ABCC1: variants seen among roughly 807,000 people sequenced by gnomAD.
ABCC1 encodes ATP binding cassette subfamily C member 1 (ABCC1 blood group), also known as multidrug resistance-associated protein 1.
Under a neutral mutation model 172.9 loss-of-function variants are expected in ABCC1, and 83 were observed. That is an observed-to-expected ratio of 0.48 (90% CI 0.40 to 0.58). ABCC1 has a LOEUF of 0.58. ABCC1 is among the 20% of genes least tolerant of loss of function. ABCC1 has a pLI of 0.00. For synonymous variants in ABCC1, 937 were observed against 825.2 expected (o/e 1.14, Z -2.32); for missense variants, 1,817 against 2,002.7 (o/e 0.91, Z 1.77).
chr16:15,993,930 G>GC (rs1052665827), intron 1 of ABCC1, among the ~76,000 whole-genome samples: 3 of 152,090 alleles, frequency 2.0e-5, no homozygotes, highest in Non-Finnish European at 4.4e-5. Context: ...CATGTACCTT[G>GC]CAAACACCTT....
chr16:16,068,410 GCT>G, intron 13 of ABCC1, 108 bp downstream of exon 13: 1 of 1,287,210 alleles, frequency 7.8e-7, no homozygotes, highest in Non-Finnish European at 1.1e-6. Flanking sequence ...TCCCGGTCGG[GCT>G]CCATGAGGCC....
chr16:16,086,669 A>G (rs1045293286), intron 17 of ABCC1, among the ~76,000 whole-genome samples, 155 bp from the exon 18 acceptor site: 1 of 151,908 alleles, frequency 6.6e-6, no homozygotes, highest in African/African-American at 2.4e-5. Context: ...GGGTCTCCCT[A>G]TATTGCTCAG....
chr16:15,994,825 G>A (rs1382525996), intron 1 of ABCC1, among the ~76,000 whole-genome samples: 7 of 150,932 alleles, frequency 4.6e-5, no homozygotes, highest in Admixed American at 3.3e-4. Flanking sequence ...GTGCAGTGGT[G>A]TGATTTTGAC....
At chr16:16,094,185 G>T (rs2051370338) in intron 19 of ABCC1, 3 of 264,790 alleles carry the variant, frequency 1.1e-5, no homozygotes, top group South Asian at 9.3e-5. Context: ...GGGTTAATCC[G>T]ACCGACCCTG....
intron 17 of ABCC1, among the ~76,000 whole-genome samples, chr16:16,084,011 C>T (rs1411444003): frequency 6.6e-6 from 1 of 152,198 alleles, no homozygotes; most frequent in Non-Finnish European, 1.5e-5. Flanking sequence ...TTCATATGTT[C>T]ACAGTCCCTG....
chr16:16,100,806 C>A (rs777402729), intron 19 of ABCC1, among the ~76,000 whole-genome samples: 2 of 152,106 alleles, frequency 1.3e-5, no homozygotes. Flanking sequence ...GTCTGCTGTT[C>A]CTGTTTTGCA....
intron 20 of ABCC1, among the ~76,000 whole-genome samples, chr16:16,104,865 G>C (rs569614296): frequency 1.5e-3 from 234 of 152,298 alleles, no homozygotes; most frequent in African/African-American, 5.5e-3. Context: ...GCAGCTGCTG[G>C]CCCAGGTGCT....
chr16:15,975,350 T>C (rs1229551865), intron 1 of ABCC1, among the ~76,000 whole-genome samples: 1 of 152,102 alleles, frequency 6.6e-6, no homozygotes, highest in Non-Finnish European at 1.5e-5. Context: ...CTCCTGGTTT[T>C]TTGCTGTTGT....
At chr16:16,018,582 A>G (rs73517912) in intron 5 of ABCC1, among the ~76,000 whole-genome samples, 1,770 of 152,164 alleles carry the variant, frequency 0.012, 42 homozygotes, top group African/African-American at 0.04. Context: ...GTCCCAGTGT[A>G]TGTTCTGAGG....
rs558959862 is a variant in ABCC1, at chr16:16,123,266, C to G, written c.3590+1092C>G. On this transcript the variant is annotated intron_variant, in intron 24 of 30. Coordinates refer to ENST00000399410, the MANE Select transcript of ABCC1 (RefSeq NM_004996.4). ...GAGAAAAGATCAACACCCCATCTTC[C>G]TAGAATGCTTTATATTTTAGAACAT... 7.2e-4 allele frequency among the ~76,000 whole-genome samples: 110 copies of G among 152,266 alleles called. 1 individual carries two copies. The South Asian group carries it at 0.021, about 29-fold the overall frequency.
chr16:16,091,606 A>C (rs2152023648), intron 19 of ABCC1, among the ~76,000 whole-genome samples: 1 of 152,260 alleles, frequency 6.6e-6, no homozygotes, highest in African/African-American at 2.4e-5. Flanking sequence ...CAGAGGGAAC[A>C]GCCAGTACAA....
intron 26 of ABCC1, among the ~76,000 whole-genome samples, chr16:16,129,238 T>C (rs2045574798): frequency 6.6e-6 from 1 of 152,208 alleles, no homozygotes; most frequent in Non-Finnish European, 1.5e-5. Flanking sequence ...CCTTTGCATC[T>C]GTGTATAGTA....
intron 9 of ABCC1, among the ~76,000 whole-genome samples, chr16:16,046,849 C>T (rs1477740512): frequency 6.7e-6 from 1 of 150,130 alleles, no homozygotes; most frequent in Non-Finnish European, 1.5e-5. Flanking sequence ...ACTTGATGAA[C>T]TAGAGGAGTG....
At chr16:16,103,908 C>T (rs2051913502) in intron 20 of ABCC1, among the ~76,000 whole-genome samples, 5 of 152,106 alleles carry the variant, frequency 3.3e-5, no homozygotes, top group African/African-American at 7.2e-5. Context: ...AAAGGTGGCA[C>T]GTCTGGGGTT....
At chr16:15,955,480 G>A (rs1314114951) in intron 1 of ABCC1, among the ~76,000 whole-genome samples, 1 of 152,160 alleles carries the variant, frequency 6.6e-6, no homozygotes, top group Admixed American at 6.5e-5. Flanking sequence ...GAGGGTACAA[G>A]CCAAAGGGCT....
intron 4 of ABCC1, among the ~76,000 whole-genome samples, chr16:16,015,829 G>GT (rs1002164507): frequency 1.4e-4 from 21 of 152,324 alleles, no homozygotes; most frequent in African/African-American, 4.8e-4. Context: ...CCCAGACACT[G>GT]CCAGATGTTT....
chr16:16,133,521 C>T (rs933769998), intron 27 of ABCC1, among the ~76,000 whole-genome samples: 6 of 151,966 alleles, frequency 3.9e-5, no homozygotes, highest in South Asian at 2.1e-4. Context: ...CTCCTGCCTC[C>T]GTCTCCCGAG....
intron 5 of ABCC1, among the ~76,000 whole-genome samples, chr16:16,023,453 C>T (rs763911684): frequency 3.3e-5 from 5 of 152,168 alleles, no homozygotes; most frequent in African/African-American, 4.8e-5. Context: ...CCTCGTGCCC[C>T]TTCATGATCA....
chr16:16,080,606 T>A (rs1356866824), intron 16 of ABCC1, among the ~76,000 whole-genome samples: 1 of 152,194 alleles, frequency 6.6e-6, no homozygotes, highest in East Asian at 1.9e-4. Context: ...CAGCTCATCT[T>A]GCAGGACATT....
Sources: gnomAD v4.1 joint callset for allele counts (sites outside exome capture counted in the v4.1 genomes callset) on GRCh38, gnomAD v4.1.1 for gene constraint, MANE v1.5 for transcripts, NCBI Gene and HGNC (gene_info 2026-07-23, HGNC 2026-07-21) for gene names.